Variants in TAFA2 observed in about 807,000 individuals in gnomAD.
TAFA2 encodes chemokine-like protein TAFA-2.
Under a neutral mutation model 18.8 loss-of-function variants are expected in TAFA2, and 7 were observed. The ratio of observed to expected loss-of-function variants is 0.37; its 90% CI spans 0.21 to 0.70. TAFA2 has a LOEUF of 0.70. Among genes scored for constraint, TAFA2 ranks in the 30% least tolerant of loss-of-function variants. TAFA2 has a pLI of 0.53. For missense variants in TAFA2, 122 were observed against 158.1 expected (o/e 0.77, Z 1.23); for synonymous variants, 60 against 54.2 (o/e 1.11, Z -0.47).
intron 1 of TAFA2, among the ~76,000 whole-genome samples, chr12:61,989,647 TC>T (rs1203352548): frequency 6.6e-6 from 1 of 152,002 alleles, no homozygotes. Context: ...TGCCACTTCT[TC>T]CCCCACTCCC....
At chr12:61,743,013 A>G (rs1276858674) in intron 4 of TAFA2, among the ~76,000 whole-genome samples, 2 of 151,874 alleles carry the variant, frequency 1.3e-5, no homozygotes, top group African/African-American at 4.8e-5. Context: ...ATGATTCACC[A>G]CTGCATGGAG....
At chr12:61,901,149 T>C (rs1015534629) in intron 1 of TAFA2, among the ~76,000 whole-genome samples, 1 of 152,222 alleles carries the variant, frequency 6.6e-6, no homozygotes, top group African/African-American at 2.4e-5. Context: ...TTTGTACATA[T>C]GTTCACTTGA....
At chr12:62,123,531 G>A (rs146338237) in intron 1 of TAFA2, among the ~76,000 whole-genome samples, 44 of 152,034 alleles carry the variant, frequency 2.9e-4, no homozygotes, top group African/African-American at 1.0e-3. Flanking sequence ...AAAAAAAGTG[G>A]TCAGATCTTT....
intron 1 of TAFA2, among the ~76,000 whole-genome samples, chr12:62,008,519 C>T (rs1880630935): frequency 6.6e-6 from 1 of 152,064 alleles, no homozygotes; most frequent in Admixed American, 6.5e-5. Flanking sequence ...CTGCCAAACT[C>T]TATTAAAAGT....
intron 1 of TAFA2, among the ~76,000 whole-genome samples, chr12:62,124,235 G>T (rs752369465): frequency 5.3e-5 from 8 of 151,530 alleles, no homozygotes; most frequent in Non-Finnish European, 8.8e-5. Flanking sequence ...GTATTTGTCA[G>T]AAATAAATGC....
At position 61,753,768 on chromosome 12, in the gene TAFA2, G is replaced by A. The variant is rs1025149540; in HGVS notation, c.260-22C>T. 2.5e-6 allele frequency: 4 copies of A among 1,584,324 alleles called. No individual in the cohort carries two copies. In the African/African-American group the frequency reaches 4.1e-5, roughly 16 times the overall value. ...GAAGCTATAAGAGAGAAAAAAAATT[G>A]ACTCAACATTTTTTTCTTGGGACTT... On this transcript the variant is annotated intron_variant, in intron 3 of 4. Transcript: ENST00000416284.
chr12:61,741,815 C>A (rs1868465799), intron 4 of TAFA2, among the ~76,000 whole-genome samples: 1 of 152,142 alleles, frequency 6.6e-6, no homozygotes, highest in Admixed American at 6.5e-5. Context: ...ACATAGAGTA[C>A]ATTCGATTTA....
chr12:61,791,143 T>C (rs1175342514), intron 2 of TAFA2, among the ~76,000 whole-genome samples: 1 of 151,866 alleles, frequency 6.6e-6, no homozygotes, highest in Non-Finnish European at 1.5e-5. Flanking sequence ...GGGTAATTTG[T>C]ATATCCAGTT....
chr12:61,892,845 T>C (rs1309351992), intron 1 of TAFA2, among the ~76,000 whole-genome samples: 2 of 152,162 alleles, frequency 1.3e-5, no homozygotes, highest in Non-Finnish European at 2.9e-5. Context: ...CCTTGTTAAA[T>C]AATAAAGTAT....
chr12:61,754,895 C>T lies in TAFA2; in HGVS notation c.236G>A (p.Arg79Gln), dbSNP rs1380109498. The change falls in exon 3 of 5, where the codon CGA becomes CAA. Residue 79 changes from arginine to glutamine, a missense_variant. Transcript: ENST00000416284. The stretch of plus-strand genomic sequence containing the variant: ...ACCATCCACACATGATGGAGCAGCT[C>T]GCGTGGTGCCTGCCACCTGCCCAGG... Reference protein sequence around the residue: ...CFPGQVAGTTRAAPSCVDASI... With the variant: ...CFPGQVAGTTQAAPSCVDASI... 8.7e-6 allele frequency: 14 copies of T among 1,612,610 alleles called. No individual in the cohort carries two copies. Among genetic ancestry groups the T allele is most frequent in the Non-Finnish European group, 1.2e-5 (14 of 1,179,304 alleles).
At chr12:61,799,327 C>A (rs1175597217) in intron 2 of TAFA2, among the ~76,000 whole-genome samples, 1 of 152,034 alleles carries the variant, frequency 6.6e-6, no homozygotes, top group Admixed American at 6.6e-5. Context: ...GTGTTATTAA[C>A]CATTTAGACT....
chr12:61,924,223 C>A (rs1877181479), intron 1 of TAFA2, among the ~76,000 whole-genome samples: 1 of 152,102 alleles, frequency 6.6e-6, no homozygotes, highest in African/African-American at 2.4e-5. Context: ...CATTCAAATT[C>A]AGGAAATACA....
intron 1 of TAFA2, among the ~76,000 whole-genome samples, chr12:62,034,627 T>C (rs1010426657): frequency 6.6e-6 from 1 of 152,158 alleles, no homozygotes; most frequent in Non-Finnish European, 1.5e-5. Context: ...AAGCAGGATG[T>C]TTGGATCATA....
intron 1 of TAFA2, among the ~76,000 whole-genome samples, chr12:62,132,791 C>T (rs983456684): frequency 2.6e-5 from 4 of 151,840 alleles, no homozygotes; most frequent in Non-Finnish European, 5.9e-5. Context: ...GCAAACAAAT[C>T]TCAGAAAAGT....
chr12:61,996,775 G>A (rs777933107), intron 1 of TAFA2, among the ~76,000 whole-genome samples: 38 of 152,186 alleles, frequency 2.5e-4, no homozygotes, highest in African/African-American at 6.0e-4. Context: ...CTCAGGTTCC[G>A]CTTTGGGGTG....
chr12:62,241,979 T>G (rs894648676), intron 1 of TAFA2, among the ~76,000 whole-genome samples: 1 of 152,122 alleles, frequency 6.6e-6, no homozygotes, highest in Non-Finnish European at 1.5e-5. Context: ...GTTAAGAGAG[T>G]TCATACTGAG....
At chr12:62,202,345 A>G (rs1368787268) in intron 1 of TAFA2, among the ~76,000 whole-genome samples, 2 of 146,644 alleles carry the variant, frequency 1.4e-5, no homozygotes, top group South Asian at 2.1e-4. Context: ...AGATCTTTCT[A>G]GTTTTTTTTT....
chr12:62,255,000 T>C (rs983908116), intron 1 of TAFA2, among the ~76,000 whole-genome samples: 2 of 152,200 alleles, frequency 1.3e-5, no homozygotes, highest in Non-Finnish European at 2.9e-5. Flanking sequence ...TGAACAACTC[T>C]CTACTTCACT....
chr12:62,157,844 C>T (rs1197027586), intron 1 of TAFA2, among the ~76,000 whole-genome samples: 3 of 152,164 alleles, frequency 2.0e-5, no homozygotes, highest in South Asian at 2.1e-4. Flanking sequence ...GTGTCTCTTA[C>T]GTCTTCCCGC....
Sources: allele counts gnomAD v4.1 joint callset (sites outside exome capture counted in the v4.1 genomes callset), GRCh38; gene constraint gnomAD v4.1.1; transcripts MANE v1.5; gene names NCBI Gene and HGNC (gene_info 2026-07-23, HGNC 2026-07-21).